Variants in LRP1B observed in about 807,000 individuals in gnomAD.
LRP1B encodes the protein LDL receptor related protein 1B.
LRP1B carries 217 observed loss-of-function variants against 556.6 expected under a neutral mutation model. The ratio of observed to expected loss-of-function variants is 0.39; its 90% CI spans 0.35 to 0.44. The LOEUF (loss-of-function observed/expected upper bound fraction) is 0.44. LRP1B is among the 20% of genes least tolerant of loss of function. LRP1B has a pLI of 1.00. For synonymous variants in LRP1B, 2,047 were observed against 1,865.8 expected, an observed-to-expected ratio of 1.10 and a Z score of -2.50; for missense variants, 5,053 against 5,620.8, an observed-to-expected ratio of 0.90 and a Z score of 3.23.
In LRP1B at chr2:141,221,852, A is replaced by G. The variant is rs1030099904; in HGVS notation, c.850+7331T>C. ...CCTGGGTAAATAATGAAATTAAGGC[A>G]GAAATCAAGAATTTCTTTGAAACCA... On this transcript the variant is annotated intron_variant, in intron 6 of 90. Coordinates refer to ENST00000389484, the MANE Select transcript of LRP1B (RefSeq NM_018557.3). 2.0e-5 allele frequency among the ~76,000 whole-genome samples: 3 copies of G among 152,366 alleles called. No homozygotes were observed. The East Asian group carries it at 5.8e-4, about 29-fold the overall frequency.
intron 41 of LRP1B, among the ~76,000 whole-genome samples, chr2:140,618,342 A>G (rs1290806931): frequency 2.0e-5 from 3 of 152,234 alleles, no homozygotes; most frequent in African/African-American, 7.2e-5. Context: ...AATCTCCCAA[A>G]GAAAACAGAT....
At chr2:140,833,060 T>C (rs939128213) in intron 31 of LRP1B, among the ~76,000 whole-genome samples, 2 of 152,200 alleles carry the variant, frequency 1.3e-5, no homozygotes, top group Non-Finnish European at 2.9e-5. Flanking sequence ...AGGGTATGTG[T>C]GTGCATGAGT....
intron 32 of LRP1B, among the ~76,000 whole-genome samples, chr2:140,801,008 G>A (rs778075153): frequency 1.4e-4 from 22 of 151,958 alleles, no homozygotes; most frequent in Non-Finnish European, 2.5e-4. Context: ...ATAAACATTT[G>A]TCTGCTTGTG....
intron 85 of LRP1B, among the ~76,000 whole-genome samples, chr2:140,272,710 TATC>T (rs946998028): frequency 3.3e-5 from 5 of 152,002 alleles, no homozygotes; most frequent in Non-Finnish European, 2.9e-5. Flanking sequence ...ATGTGAAAAG[TATC>T]ATAGAAATAA....
intron 43 of LRP1B, among the ~76,000 whole-genome samples, chr2:140,591,960 A>G (rs1234657089): frequency 6.6e-6 from 1 of 152,190 alleles, no homozygotes; most frequent in African/African-American, 2.4e-5. Context: ...TCAGTATTTG[A>G]GTAGTAAAAC....
At chr2:141,319,344 T>C (rs16845771) in intron 3 of LRP1B, among the ~76,000 whole-genome samples, 15,617 of 147,072 alleles carry the variant, frequency 0.11, 1,057 homozygotes, top group East Asian at 0.18. Context: ...ACTTGAAATG[T>C]TCCTCAGGAC....
intron 66 of LRP1B, among the ~76,000 whole-genome samples, chr2:140,410,447 T>C (rs1684924481): frequency 6.6e-6 from 1 of 152,150 alleles, no homozygotes; most frequent in African/African-American, 2.4e-5. Flanking sequence ...CTCTGTTAGA[T>C]GTCTTTATTC....
At position 140,668,477 on chromosome 2, in the gene LRP1B, TTTTG is replaced by T. The variant is rs1685365571; in HGVS notation, c.6799+31769_6799+31772del. ...CAATGGAGATTTACTGTAGGCATGTTTTTGTAATATGTTTCACATTGATTGTAAT... is the reference window on the plus strand; with the variant it reads ...CAATGGAGATTTACTGTAGGCATGTTTAATATGTTTCACATTGATTGTAAT... On this transcript the variant is annotated intron_variant, in intron 41 of 90. Coordinates refer to ENST00000389484, the MANE Select transcript of LRP1B (RefSeq NM_018557.3). 2.0e-5 allele frequency among the ~76,000 whole-genome samples: 3 copies of T among 152,024 alleles called. No individual in the cohort carries two copies. The South Asian group carries it at 6.2e-4, about 31-fold the overall frequency.
At chr2:140,582,655 TA>T (rs1473961696) in intron 43 of LRP1B, among the ~76,000 whole-genome samples, 5 of 152,130 alleles carry the variant, frequency 3.3e-5, no homozygotes, top group African/African-American at 4.8e-5. Flanking sequence ...GATGCAACAA[TA>T]AAGCACCGTC....
At chr2:142,011,700 A>C (rs1702965022) in intron 1 of LRP1B, among the ~76,000 whole-genome samples, 2 of 152,204 alleles carry the variant, frequency 1.3e-5, no homozygotes, top group Admixed American at 6.5e-5. Flanking sequence ...CCACCATTCT[A>C]GAATCTCTGA....
chr2:141,703,515 C>G (rs1028976121), intron 2 of LRP1B, among the ~76,000 whole-genome samples: 1 of 151,936 alleles, frequency 6.6e-6, no homozygotes, highest in African/African-American at 2.4e-5. Flanking sequence ...ACTTCCAGTA[C>G]AGAGAGAAAA....
In LRP1B at chr2:140,495,644, T is replaced by C; in HGVS notation, c.8955A>G (p.Thr2985=). ...TACAGAGGCACTTGTAAGTCCCGTATGTATTGATGCATTGCTGGCTACAGG... is the reference window on the plus strand; with the variant it reads ...TACAGAGGCACTTGTAAGTCCCGTACGTATTGATGCATTGCTGGCTACAGG... ...GFPCSQQCIN[T]YGTYKCLCTD... The change falls in exon 56 of 91, where the codon ACA becomes ACG. Residue 2985 remains threonine (T), a synonymous_variant. Transcript: ENST00000389484. 6.2e-7 allele frequency: 1 copy of C among 1,614,028 alleles called. No individual in the cohort carries two copies. Among genetic ancestry groups the C allele is most frequent in the South Asian group, 1.1e-5 (1 of 91,088 alleles).
intron 27 of LRP1B, among the ~76,000 whole-genome samples, chr2:140,857,868 G>A (rs184951616): frequency 6.6e-5 from 10 of 151,854 alleles, no homozygotes; most frequent in East Asian, 3.9e-4. Context: ...ACTTTCAGTC[G>A]TTCTAAAGAG....
intron 1 of LRP1B, among the ~76,000 whole-genome samples, chr2:141,888,794 A>G (rs1991997): frequency 0.44 from 66,263 of 151,856 alleles, 14,643 homozygotes; most frequent in Admixed American, 0.51. Flanking sequence ...GTTGGAGGAC[A>G]GGAGTGAAAA....
At chr2:141,226,566 G>T (rs956402203) in intron 6 of LRP1B, among the ~76,000 whole-genome samples, 2 of 152,088 alleles carry the variant, frequency 1.3e-5, no homozygotes, top group Non-Finnish European at 2.9e-5. Context: ...TAAGAGAAAA[G>T]CACCTAAATA....
chr2:140,867,546 T>C, intron 27 of LRP1B, 44 bp downstream of exon 27: 1 of 1,554,196 alleles, frequency 6.4e-7, no homozygotes, highest in Non-Finnish European at 8.7e-7. Context: ...ATTAAGATGA[T>C]AATACTTTCT....
intron 41 of LRP1B, among the ~76,000 whole-genome samples, chr2:140,641,311 G>C (rs994419564): frequency 6.6e-6 from 1 of 152,086 alleles, no homozygotes; most frequent in Non-Finnish European, 1.5e-5. Context: ...AATGAGTAAG[G>C]GTTCTTACTG....
Position 141,019,942 on chromosome 2 carries a change from A to G in LRP1B, c.1950T>C (p.Ile650=), listed in dbSNP as rs1180668082. The part of the protein sequence containing the change: ...LEGEMSHPRG[I]VVDPVNGWMY... ...CATACCCATTAACTGGATCCACCAC[A>G]ATTCCTCTGGGATGAGACATTTCAC... The change falls in exon 12 of 91, where the codon ATT becomes ATC. Residue 650 remains isoleucine, a synonymous_variant. Transcript: ENST00000389484. 6.2e-7 allele frequency: 1 copy of G among 1,602,986 alleles called. No homozygotes were observed. Among genetic ancestry groups the G allele is most frequent in the Non-Finnish European group, 8.5e-7 (1 of 1,174,016 alleles).
chr2:140,450,737 C>T, intron 62 of LRP1B, 76 bp from the exon 63 acceptor site: 2 of 969,228 alleles, frequency 2.1e-6, no homozygotes, highest in Non-Finnish European at 3.1e-6. Context: ...AATTTGGCAA[C>T]ACAGCCTAGT....
Sources: gnomAD v4.1 joint callset for allele counts (sites outside exome capture counted in the v4.1 genomes callset) on GRCh38, gnomAD v4.1.1 for gene constraint, MANE v1.5 for transcripts, NCBI Gene and HGNC (gene_info 2026-07-23, HGNC 2026-07-21) for gene names.